Variants in FN1 observed in about 807,000 individuals in gnomAD.
The protein encoded by FN1 is fibronectin.
Under a neutral mutation model 297.3 loss-of-function variants are expected in FN1, and 106 were observed. The observed-to-expected ratio is 0.36, with a 90% CI of 0.30 to 0.42. The LOEUF (loss-of-function observed/expected upper bound fraction) is 0.42, where lower values mean the gene tolerates loss of function less well. FN1 is among the 10% of genes least tolerant of loss of function. The pLI is 1.00. For missense variants in FN1, 2,690 were observed against 3,124.9 expected, an observed-to-expected ratio of 0.86 and a Z score of 3.32; for synonymous variants, 1,149 against 1,152.6, an observed-to-expected ratio of 1.00 and a Z score of 0.06.
intron 12 of FN1, among the ~76,000 whole-genome samples, chr2:215,415,939 T>C (rs2063377721): frequency 6.6e-6 from 1 of 152,156 alleles, no homozygotes; most frequent in African/African-American, 2.4e-5. Flanking sequence ...AAATTGTGTC[T>C]TATAGTAACC....
At position 215,386,165 on chromosome 2, in the gene FN1, C is replaced by A. The variant is rs534657174; in HGVS notation, c.4612+524G>T. ...TGATCTCAGCTCACTGCAACCTTCG[C>A]CTCCCAGGTTCAAAGATTCTCCTGC... On this transcript the variant is annotated intron_variant, in intron 28 of 45. Coordinates refer to ENST00000354785, the MANE Select transcript of FN1 (RefSeq NM_212482.4). Among the ~76,000 whole-genome samples, 5 of 147,730 alleles carry A rather than the reference C, an allele frequency of 3.4e-5. No individual in the cohort carries two copies. The East Asian group carries it at 8.2e-4, about 24-fold the overall frequency.
At chr2:215,428,718 C>T (rs1166991457) in intron 5 of FN1, among the ~76,000 whole-genome samples, 1 of 152,128 alleles carries the variant, frequency 6.6e-6, no homozygotes, top group Non-Finnish European at 1.5e-5. Flanking sequence ...AGGGACCTTG[C>T]TTTAGAAAAC....
chr2:215,389,784 C>T (rs1200350970), intron 26 of FN1, among the ~76,000 whole-genome samples: 3 of 137,230 alleles, frequency 2.2e-5, no homozygotes, highest in Non-Finnish European at 4.8e-5. Context: ...AGGGAGACTC[C>T]GTCTCAAAAA....
chr2:215,436,005 C>T lies in FN1; in HGVS notation c.-203G>A. 2.5e-6 allele frequency: 3 copies of T among 1,177,830 alleles called. No individual in the cohort carries two copies. Among genetic ancestry groups the T allele is most frequent in the Non-Finnish European group, 1.1e-6 (1 of 870,290 alleles). The allele number at this position is 1,177,830 out of a possible 1,614,324, so 73.0% of individuals were successfully genotyped here. A position where few individuals can be genotyped will look rare whatever the true frequency, so the allele number is the denominator to read the frequency against. On this transcript the variant is annotated 5_prime_UTR_variant, in exon 1 of 46. Coordinates refer to ENST00000354785, the MANE Select transcript of FN1 (RefSeq NM_212482.4). ...GACCAGAGAAGTTGTGGCTGCAGGT[C>T]CCCTCTTCCCGCTCGCGCCTGGGGT...
chr2:215,386,756 A>G lies in FN1; in HGVS notation c.4545T>C (p.Tyr1515=), dbSNP rs780890242. 8 of 1,613,822 alleles carry G rather than the reference A, an allele frequency of 5.0e-6. No homozygotes were observed. The highest frequency in any genetic ancestry group is 2.2e-5 in the South Asian group (2 of 91,062). ...TLTNLTPGTE[Y]VVSIVALNGR... ...CATTAAGAGCAACGATGCTGACCAC[A>G]TACTCTGTGCCTGGAGTGAGGTTGG... Residue 1515 remains tyrosine (Y), a synonymous_variant, in exon 28 of 46, where the codon TAT becomes TAC. Transcript: ENST00000354785.
At chr2:215,408,986 G>A (rs1271647400) in intron 15 of FN1, among the ~76,000 whole-genome samples, 1 of 151,924 alleles carries the variant, frequency 6.6e-6, no homozygotes, top group African/African-American at 2.4e-5. Flanking sequence ...TATAATTTTT[G>A]TAATCGAATG....
rs1328446099 is a variant in FN1 at position 215,370,284 on chromosome 2, G to A, written c.6853+10C>T. ...GGGAGCCTGTGTCTAAATAGTACGT[G>A]TTTACATACCAGAGTTGCCCACGGT... On this transcript the variant is annotated intron_variant, in intron 41 of 45. Coordinates refer to ENST00000354785, the MANE Select transcript of FN1 (RefSeq NM_212482.4). 6.2e-7 allele frequency: 1 copy of A among 1,613,820 alleles called. No individual in the cohort carries two copies. Among genetic ancestry groups the A allele is most frequent in the East Asian group, 2.2e-5 (1 of 44,870 alleles).
intron 31 of FN1, among the ~76,000 whole-genome samples, chr2:215,382,554 C>T (rs1398006285): frequency 2.6e-5 from 4 of 152,128 alleles, no homozygotes; most frequent in African/African-American, 9.7e-5. Flanking sequence ...AGATCTAAAA[C>T]TTAATATGAT....
chr2:215,425,182 G>C lies in FN1; in HGVS notation c.948C>G (p.Tyr316Ter). 6.2e-7 allele frequency: 1 copy of C among 1,614,166 alleles called. No individual in the cohort carries two copies. The highest frequency in any genetic ancestry group is 8.5e-7 in the Non-Finnish European group (1 of 1,180,022). The part of the protein sequence containing the change: ...GHCVTDSGVV[Y>*]SVGMQWLKTQ... ...TCTTCAGCCACTGCATCCCCACAGA[G>C]TAGACCACACCACTGTCTGTGACAC... The change falls in exon 7 of 46, where the codon TAC becomes TAG. Residue 316 changes from tyrosine (Y) to a stop codon, truncating the protein, a stop_gained. Coordinates refer to ENST00000354785, the MANE Select transcript of FN1 (RefSeq NM_212482.4). LOFTEE classifies it high-confidence loss of function.
chr2:215,412,097 T>A (rs1015231540), intron 13 of FN1, among the ~76,000 whole-genome samples: 28 of 152,160 alleles, frequency 1.8e-4, no homozygotes, highest in Admixed American at 1.8e-3. Context: ...AGATATTGGA[T>A]GCACTGATGC....
chr2:215,398,779 C>A (rs1037350670), intron 21 of FN1, among the ~76,000 whole-genome samples: 3 of 152,190 alleles, frequency 2.0e-5, no homozygotes, highest in Non-Finnish European at 4.4e-5. Flanking sequence ...AAACCTTAAT[C>A]TTAACTTCTA....
intron 25 of FN1, chr2:215,392,604 T>C (rs746019082): frequency 5.5e-6 from 2 of 362,672 alleles, no homozygotes; most frequent in Non-Finnish European, 1.0e-5. Flanking sequence ...CAATTTGGTA[T>C]TCGTGTTTGG....
intron 42 of FN1, 101 bp downstream of exon 42, chr2:215,367,762 G>A (rs1341596317): frequency 1.2e-5 from 14 of 1,178,266 alleles, no homozygotes; most frequent in Non-Finnish European, 5.0e-6. Flanking sequence ...TTCATGTTTG[G>A]AAGAACCTGT....
intron 42 of FN1, among the ~76,000 whole-genome samples, chr2:215,367,410 T>A (rs2106176682): frequency 6.6e-6 from 1 of 152,338 alleles, no homozygotes; most frequent in South Asian, 2.1e-4. Flanking sequence ...CAAAAGTGTG[T>A]GCATGGGTAC....
intron 13 of FN1, 130 bp downstream of exon 13, chr2:215,414,707 A>C: frequency 6.8e-7 from 1 of 1,468,962 alleles, no homozygotes; most frequent in South Asian, 1.5e-5. Flanking sequence ...TTGTTCACTA[A>C]ACAAATATAG....
intron 27 of FN1, among the ~76,000 whole-genome samples, chr2:215,387,217 A>C (rs1306957004): frequency 2.0e-5 from 3 of 152,186 alleles, no homozygotes; most frequent in Admixed American, 6.5e-5. Context: ...ATTCAAGCAG[A>C]TTTTAGGGGT....
chr2:215,369,147 G>A (rs114791265), intron 41 of FN1, among the ~76,000 whole-genome samples: 2,191 of 151,432 alleles, frequency 0.014, 48 homozygotes, highest in African/African-American at 0.049. Context: ...TGTTACTAGG[G>A]GTTTCTATAC....
intron 40 of FN1, 108 bp from the exon 41 acceptor site, chr2:215,370,540 C>CAA (rs377315833): frequency 6.2e-5 from 19 of 304,942 alleles, no homozygotes; most frequent in Admixed American, 2.1e-4. Context: ...CAAAGGAAGA[C>CAA]AAAAAACAAA....
In FN1 at chr2:215,379,150, C is replaced by T. The variant is rs369072643; in HGVS notation, c.5602G>A (p.Val1868Met). ...EINLAPDSSS[V>M]VVSGLMVATK... ...CTTACCATAAGTCCTGATACAACCA[C>T]GGATGAGCTGTCAGGAGCAAGGTTG... Residue 1868 changes from valine (V) to methionine (M), a missense_variant, in exon 34 of 46, where the codon GTG (valine) becomes ATG (methionine). By Grantham distance (21) the Val-to-Met change is conservative. Around this residue, in one of 3 missense-constraint regions of FN1, gnomAD observed 1,743 missense variants for 1,945.2 expected, o/e 0.90. Transcript: ENST00000354785. 35 of 1,613,988 alleles carry T rather than the reference C, an allele frequency of 2.2e-5. No individual in the cohort carries two copies. The highest frequency in any genetic ancestry group is 4.5e-5 in the East Asian group (2 of 44,884).
Sources: gnomAD v4.1 joint callset for allele counts (sites outside exome capture counted in the v4.1 genomes callset) on GRCh38, gnomAD v4.1.1 for gene constraint, gnomAD v4.1.1 regional missense constraint, MANE v1.5 for transcripts, NCBI Gene and HGNC (gene_info 2026-07-23, HGNC 2026-07-21) for gene names.